NCKAP5: variants seen among roughly 807,000 people sequenced by gnomAD.
The protein encoded by NCKAP5 is nck-associated protein 5.
Under a neutral mutation model 167.0 loss-of-function variants are expected in NCKAP5, and 92 were observed. The ratio of observed to expected loss-of-function variants is 0.55; its 90% CI spans 0.47 to 0.66. The LOEUF is 0.66. NCKAP5 is among the 30% of genes least tolerant of loss of function. NCKAP5 has a pLI of 0.00. For synonymous variants in NCKAP5, 891 were observed against 877.4 expected (o/e 1.02, Z -0.27); for missense variants, 2,378 against 2,315.0 (o/e 1.03, Z -0.56).
intron 2 of NCKAP5, among the ~76,000 whole-genome samples, chr2:133,527,890 C>A (rs866317585): frequency 2.2e-4 from 34 of 151,980 alleles, no homozygotes; most frequent in African/African-American, 6.5e-4. Flanking sequence ...CATAGTGAGA[C>A]CCCTGTCTGT....
intron 3 of NCKAP5, among the ~76,000 whole-genome samples, chr2:133,502,680 G>A (rs755378491): frequency 8.5e-5 from 13 of 152,190 alleles, no homozygotes; most frequent in Non-Finnish European, 1.5e-4. Context: ...CTTCCACCCC[G>A]GTGACTCCCA....
At chr2:133,512,851 G>A (rs1483834009) in intron 3 of NCKAP5, among the ~76,000 whole-genome samples, 1 of 151,944 alleles carries the variant, frequency 6.6e-6, no homozygotes, top group Admixed American at 6.6e-5. Flanking sequence ...GCTCCCCCAT[G>A]GCCCCTCCAT....
At chr2:133,491,655 A>G (rs1432225445) in intron 3 of NCKAP5, among the ~76,000 whole-genome samples, 53 of 152,242 alleles carry the variant, frequency 3.5e-4, no homozygotes, top group Non-Finnish European at 8.8e-5. Flanking sequence ...CTCCATCCCT[A>G]TGAAGTGAGG....
At chr2:133,246,611 T>C (rs995639282) in intron 4 of NCKAP5, among the ~76,000 whole-genome samples, 5 of 152,316 alleles carry the variant, frequency 3.3e-5, no homozygotes, top group African/African-American at 7.2e-5. Flanking sequence ...TTTTGTGAAA[T>C]AGCATTGTTT....
chr2:133,174,354 G>T (rs1290660353), intron 5 of NCKAP5, among the ~76,000 whole-genome samples: 1 of 152,074 alleles, frequency 6.6e-6, no homozygotes, highest in Admixed American at 6.6e-5. Flanking sequence ...TGGCTTACTT[G>T]TAGTAGGCTC....
chr2:133,056,919 T>G (rs1316594298), intron 6 of NCKAP5, among the ~76,000 whole-genome samples: 1 of 152,218 alleles, frequency 6.6e-6, no homozygotes, highest in Admixed American at 6.5e-5. Flanking sequence ...CAATGGTTTG[T>G]GGCAACTGCA....
intron 3 of NCKAP5, among the ~76,000 whole-genome samples, chr2:133,444,659 C>T (rs964140284): frequency 6.6e-6 from 1 of 152,130 alleles, no homozygotes; most frequent in Non-Finnish European, 1.5e-5. Context: ...GTGTTATCTG[C>T]AGGGATTTGC....
intron 6 of NCKAP5, among the ~76,000 whole-genome samples, chr2:133,014,024 G>A (rs185965419): frequency 0.053 from 8,135 of 152,122 alleles, 659 homozygotes; most frequent in African/African-American, 0.18. Context: ...TGCTCTTAAA[G>A]TCTTCTAACC....
chr2:133,314,346 A>G (rs1574676246), intron 3 of NCKAP5, among the ~76,000 whole-genome samples: 1 of 152,196 alleles, frequency 6.6e-6, no homozygotes, highest in African/African-American at 2.4e-5. Flanking sequence ...TATGGCTCCC[A>G]TCTGTTCATC....
intron 3 of NCKAP5, among the ~76,000 whole-genome samples, chr2:133,328,775 C>G (rs548407378): frequency 6.6e-6 from 1 of 152,122 alleles, no homozygotes; most frequent in South Asian, 2.1e-4. Flanking sequence ...AGACTAGCTG[C>G]AGTGCCTCAT....
At chr2:133,219,496 T>G (rs2086568311) in intron 4 of NCKAP5, among the ~76,000 whole-genome samples, 1 of 152,178 alleles carries the variant, frequency 6.6e-6, no homozygotes, top group Non-Finnish European at 1.5e-5. Context: ...TCCCATGGAG[T>G]CAGTGGGCAA....
chr2:132,784,897 C>A lies in NCKAP5; in HGVS notation c.1914G>T (p.Val638=). ...CGSPEEEEKQ[V]PIPSETRPKT... ...TTGGCCTAGTCTCTGAAGGGATGGG[C>A]ACTTGTTTTTCCTCCTCTTCAGGAG... The change falls in exon 14 of 20, where the codon GTG becomes GTT. Residue 638 remains valine, a synonymous_variant. Transcript: ENST00000409261. 6.4e-7 allele frequency: 1 copy of A among 1,568,614 alleles called. No homozygotes were observed. The highest frequency in any genetic ancestry group is 8.6e-7 in the Non-Finnish European group (1 of 1,158,646).
intron 6 of NCKAP5, among the ~76,000 whole-genome samples, chr2:133,076,742 C>T (rs540717096): frequency 6.6e-6 from 1 of 152,330 alleles, no homozygotes; most frequent in South Asian, 2.1e-4. Context: ...CTTCCATCCT[C>T]AAGGCCATCC....
At chr2:133,213,658 C>G in intron 5 of NCKAP5, 58 bp downstream of exon 5, 1 of 1,567,482 alleles carries the variant, frequency 6.4e-7, no homozygotes, top group Non-Finnish European at 8.8e-7. Flanking sequence ...GGCAAAGTAG[C>G]TTTCAAGCCA....
the NCKAP5 span, among the ~76,000 whole-genome samples, chr2:133,623,500 G>A: frequency 5.9e-5 from 9 of 152,090 alleles, no homozygotes; most frequent in Admixed American, 3.3e-4. Flanking sequence ...GACATGAATA[G>A]GCAGTTCTCA....
intron 3 of NCKAP5, among the ~76,000 whole-genome samples, chr2:133,317,704 A>C (rs1463511032): frequency 6.6e-6 from 1 of 152,160 alleles, no homozygotes; most frequent in South Asian, 2.1e-4. Context: ...AACATCCTCC[A>C]CAAAGAGGCC....
intron 11 of NCKAP5, among the ~76,000 whole-genome samples, chr2:132,809,682 A>C (rs1160910845): frequency 2.0e-5 from 3 of 152,182 alleles, no homozygotes; most frequent in Non-Finnish European, 4.4e-5. Context: ...TCCTGAAGGC[A>C]GCAGATGGTT....
intron 6 of NCKAP5, among the ~76,000 whole-genome samples, chr2:133,111,997 A>G (rs1006530659): frequency 6.6e-6 from 1 of 152,248 alleles, no homozygotes; most frequent in African/African-American, 2.4e-5. Flanking sequence ...ATGAGAGGTC[A>G]CTGAAACAGA....
chr2:132,938,568 C>T lies in NCKAP5; in HGVS notation c.579+25152G>A, dbSNP rs74574071. ...AGATTCCTGCATTTTTGAAGACTGCCTGGTTAAAGTCTTGGTGCTCCACCA... is the reference window on the plus strand; with the variant it reads ...AGATTCCTGCATTTTTGAAGACTGCTTGGTTAAAGTCTTGGTGCTCCACCA... On this transcript the variant is annotated intron_variant, in intron 8 of 19. Coordinates refer to ENST00000409261, the MANE Select transcript of NCKAP5 (RefSeq NM_207363.3). Among the ~76,000 whole-genome samples the T allele has an allele frequency of 4.2e-3, 639 of 152,202 alleles. 12 individuals carry two copies. The East Asian group carries it at 0.049, about 12-fold the overall frequency.
Sources: allele counts gnomAD v4.1 joint callset (sites outside exome capture counted in the v4.1 genomes callset), GRCh38; gene constraint gnomAD v4.1.1; transcripts MANE v1.5; gene names NCBI Gene and HGNC (gene_info 2026-07-23, HGNC 2026-07-21).